Variants in CCDC175 observed in about 807,000 individuals in gnomAD.
The protein encoded by CCDC175 is coiled-coil domain containing 175.
Under a neutral mutation model 114.6 loss-of-function variants are expected in CCDC175, and 100 were observed. The observed-to-expected ratio is 0.87, with a 90% confidence interval of 0.74 to 1.03. The LOEUF (loss-of-function observed/expected upper bound fraction) is 1.03, where lower values mean the gene tolerates loss of function less well. Ranked by LOEUF, CCDC175 falls within the 50% of genes least tolerant of loss-of-function variation. The pLI is 0.00. For missense variants in CCDC175, 880 were observed against 917.8 expected, an observed-to-expected ratio of 0.96 and a Z score of 0.53; for synonymous variants, 306 against 308.7, an observed-to-expected ratio of 0.99 and a Z score of 0.09.
At chr14:59,545,068 T>A (rs574676882) in intron 9 of CCDC175, 95 bp downstream of exon 9, 1 of 1,205,970 alleles carries the variant, frequency 8.3e-7, no homozygotes, top group African/African-American at 1.5e-5. Flanking sequence ...ATTTTAAAAC[T>A]AGGATAAGTT....
chr14:59,508,131 A>T (rs12886536), intron 19 of CCDC175, among the ~76,000 whole-genome samples: 2 of 151,964 alleles, frequency 1.3e-5, no homozygotes, highest in African/African-American at 4.8e-5. Flanking sequence ...CACACACCTC[A>T]CTATCTCTTT....
intron 17 of CCDC175, among the ~76,000 whole-genome samples, chr14:59,514,319 T>A (rs1468082248): frequency 6.6e-6 from 1 of 152,160 alleles, no homozygotes. Context: ...GGACAGAGAA[T>A]GACTTTGATG....
rs2139929928 is a variant in CCDC175, at chr14:59,505,176, T to A, written c.*63A>T. 1.2e-6 allele frequency: 1 copy of A among 809,498 alleles called. No homozygotes were observed. The highest frequency in any genetic ancestry group is 2.1e-5 in the South Asian group (1 of 46,766). 50.1% of individuals were successfully genotyped at this position (809,498 alleles called of 1,614,324 possible). On this transcript the variant is annotated 3_prime_UTR_variant, in exon 20 of 20. Coordinates refer to ENST00000537690, the MANE Select transcript of CCDC175 (RefSeq NM_001164399.2). The stretch of plus-strand genomic sequence containing the variant: ...TATTAACAGCTGCAAAATATGAAAG[T>A]AAGTGCACTCACTTTTCCTGTAGTA...
intron 14 of CCDC175, among the ~76,000 whole-genome samples, chr14:59,527,630 A>G (rs886459320): frequency 3.3e-5 from 5 of 152,154 alleles, no homozygotes; most frequent in Non-Finnish European, 7.4e-5. Flanking sequence ...TCTTTTTAGT[A>G]TAATTTTTGT....
chr14:59,569,162 G>C (rs1255392496), intron 3 of CCDC175, among the ~76,000 whole-genome samples: 1 of 152,196 alleles, frequency 6.6e-6, no homozygotes, highest in Non-Finnish European at 1.5e-5. Context: ...GGAAGGTGCT[G>C]GACTACTCAT....
intron 13 of CCDC175, among the ~76,000 whole-genome samples, chr14:59,536,751 T>A (rs972694976): frequency 1.3e-5 from 2 of 152,210 alleles, no homozygotes; most frequent in Admixed American, 6.5e-5. Context: ...ATTATTTTTT[T>A]AAATTCATAG....
chr14:59,516,069 T>C (rs1893063960), intron 17 of CCDC175, among the ~76,000 whole-genome samples: 1 of 152,166 alleles, frequency 6.6e-6, no homozygotes, highest in Non-Finnish European at 1.5e-5. Context: ...GAATGACTAC[T>C]GGGTACATAA....
rs751663448 is a variant in CCDC175 at position 59,565,342 on chromosome 14, G to A, written c.492-67C>T. ...CTAAGAAAGGAATAGTCTGTGTGGTGAGAAGAGCCCTCAGCAAGAGGAAAA... is the reference window on the plus strand; with the variant it reads ...CTAAGAAAGGAATAGTCTGTGTGGTAAGAAGAGCCCTCAGCAAGAGGAAAA... On this transcript the variant is annotated intron_variant, in intron 4 of 19. Coordinates refer to ENST00000537690, the MANE Select transcript of CCDC175 (RefSeq NM_001164399.2). 42 of 1,223,402 alleles carry A rather than the reference G, an allele frequency of 3.4e-5. 1 individual carries two copies. The highest frequency in any genetic ancestry group is 4.2e-5 in the Non-Finnish European group (37 of 885,864). The allele number at this position is 1,223,402 out of a possible 1,614,324, so 75.8% of individuals were successfully genotyped here. A position where few individuals can be genotyped will look rare whatever the true frequency, so the allele number is the denominator to read the frequency against.
chr14:59,557,367 C>CA (rs1204715002), intron 7 of CCDC175, among the ~76,000 whole-genome samples: 2 of 146,454 alleles, frequency 1.4e-5, no homozygotes, highest in Admixed American at 1.4e-4. Context: ...ATCGCAAGGA[C>CA]AAAAAACCAA....
At chr14:59,531,986 T>G (rs1894100085) in intron 13 of CCDC175, 76 bp from the exon 14 acceptor site, 2 of 733,406 alleles carry the variant, frequency 2.7e-6, no homozygotes, top group African/African-American at 3.6e-5. Context: ...GAATATAAGT[T>G]TTTTGAGGGA....
chr14:59,566,372 T>C (rs1055538204), intron 4 of CCDC175, among the ~76,000 whole-genome samples: 2 of 152,210 alleles, frequency 1.3e-5, no homozygotes, highest in African/African-American at 2.4e-5. Flanking sequence ...CTTTTGCTAG[T>C]CCTCAAGGCT....
chr14:59,532,005 C>T, intron 13 of CCDC175, 95 bp from the exon 14 acceptor site: 1 of 652,440 alleles, frequency 1.5e-6, no homozygotes, highest in Non-Finnish European at 2.5e-6. Context: ...GAAAGAGTTT[C>T]ATCTGTCTTG....
chr14:59,569,362 G>C (rs1956352), intron 3 of CCDC175, among the ~76,000 whole-genome samples: 4 of 151,980 alleles, frequency 2.6e-5, no homozygotes, highest in Non-Finnish European at 4.4e-5. Context: ...TCTAGGGTGG[G>C]CCCAGAGATT....
At chr14:59,553,135 G>A (rs941202120) in intron 7 of CCDC175, among the ~76,000 whole-genome samples, 2 of 152,112 alleles carry the variant, frequency 1.3e-5, no homozygotes, top group Admixed American at 1.3e-4. Flanking sequence ...TACTCCTCCA[G>A]AAGAGCAACT....
intron 17 of CCDC175, among the ~76,000 whole-genome samples, chr14:59,519,127 T>C (rs936353212): frequency 1.3e-5 from 2 of 151,582 alleles, no homozygotes; most frequent in African/African-American, 2.4e-5. Context: ...ATGAGAACAC[T>C]TGGACACAGG....
rs1339229611 is a variant in CCDC175 at position 59,510,708 on chromosome 14, A to G, written c.2243T>C (p.Leu748Pro). The change falls in exon 19 of 20, where the codon CTA becomes CCA. Residue 748 changes from leucine (L) to proline (P), a missense_variant. Leu to Pro is a moderately conservative substitution (Grantham distance 98, BLOSUM62 -3). Transcript: ENST00000537690. ...ACGCAGCCCTTCAAGACTCCCTCGT[A>G]GCCATGTACTGACATGCTGCATTTT... ...DEKMQHVSTW[L>P]RGSLEGLRLL... 4 of 1,537,188 alleles carry G rather than the reference A, an allele frequency of 2.6e-6. No homozygotes were observed. The highest frequency in any genetic ancestry group is 2.7e-5 in the African/African-American group (2 of 73,052).
At chr14:59,514,091 C>A (rs539470960) in intron 17 of CCDC175, among the ~76,000 whole-genome samples, 1 of 152,198 alleles carries the variant, frequency 6.6e-6, no homozygotes, top group Non-Finnish European at 1.5e-5. Flanking sequence ...TCCAACAGAC[C>A]TGCAGCTGAA....
intron 17 of CCDC175, among the ~76,000 whole-genome samples, chr14:59,514,116 G>A (rs1025886728): frequency 2.0e-5 from 3 of 152,198 alleles, no homozygotes; most frequent in African/African-American, 7.2e-5. Context: ...CTGACTGTTA[G>A]AAGGAAAACT....
rs78663453 is a variant in CCDC175, at chr14:59,571,748, G to C, written c.355+954C>G. The stretch of plus-strand genomic sequence containing the variant: ...TCCAAAATATTGAATATATGACTCT[G>C]TAAGATCTGACCCCAGTAAAAAAAA... On this transcript the variant is annotated intron_variant, in intron 3 of 19. Coordinates refer to ENST00000537690, the MANE Select transcript of CCDC175 (RefSeq NM_001164399.2). 0.011 allele frequency among the ~76,000 whole-genome samples: 1,621 copies of C among 151,974 alleles called. 105 individuals are homozygous for C. The East Asian group carries it at 0.2, about 19-fold the overall frequency.
Sources: gnomAD v4.1 joint callset for allele counts (sites outside exome capture counted in the v4.1 genomes callset) on GRCh38, gnomAD v4.1.1 for gene constraint, MANE v1.5 for transcripts, NCBI Gene and HGNC (gene_info 2026-07-23, HGNC 2026-07-21) for gene names.